ADAM32: variants seen among roughly 807,000 people sequenced by gnomAD.
ADAM32 encodes ADAM metallopeptidase domain 32.
A neutral mutation model predicts 114.9 loss-of-function variants in ADAM32; 89 were observed. The observed-to-expected ratio is 0.77, with a 90% confidence interval of 0.65 to 0.92. The LOEUF (loss-of-function observed/expected upper bound fraction) is 0.92, where lower values mean the gene tolerates loss of function less well. Among genes scored for constraint, ADAM32 ranks in the 40% least tolerant of loss-of-function variants. The pLI, the probability that ADAM32 is intolerant of heterozygous loss-of-function variation, is 0.00. For missense variants in ADAM32, 870 were observed against 932.8 expected (o/e 0.93, Z 0.88); for synonymous variants, 285 against 307.5 (o/e 0.93, Z 0.77).
chr8:39,187,128 C>A, intron 11 of ADAM32, 83 bp downstream of exon 11: 1 of 1,311,326 alleles, frequency 7.6e-7, no homozygotes, highest in South Asian at 1.7e-5. Context: ...TTACTTAAAG[C>A]ACAAATTAGC....
Position 39,136,711 on chromosome 8 carries a change from A to G in ADAM32, c.193A>G (p.Lys65Glu). ...IDEKLYTVHL[K>E]QRYFLADNFM... ...TGAGAAACTGTACACTGTGCACCTTAAACAAAGGTAAATTTTTATTCTTTA... is the reference window on the plus strand; with the variant it reads ...TGAGAAACTGTACACTGTGCACCTTGAACAAAGGTAAATTTTTATTCTTTA... Residue 65 changes from lysine (K) to glutamate (E), a missense_variant, in exon 3 of 25, where the codon AAA becomes GAA. Transcript: ENST00000379907. 1 of 1,504,928 alleles carries G rather than the reference A, an allele frequency of 6.6e-7. No individual in the cohort carries two copies. 93.2% of individuals were successfully genotyped at this position (1,504,928 alleles called of 1,614,324 possible). A position where few individuals can be genotyped will look rare whatever the true frequency, so the allele number is the denominator to read the frequency against.
chr8:39,217,117 A>ATAT (rs1554617204), intron 12 of ADAM32, among the ~76,000 whole-genome samples: 1,667 of 150,558 alleles, frequency 0.011, 15 homozygotes, highest in African/African-American at 0.022. Context: ...ATATATATAT[A>ATAT]TTTTTTTACC....
At chr8:39,117,766 T>C (rs893425390) in intron 1 of ADAM32, among the ~76,000 whole-genome samples, 8 of 152,194 alleles carry the variant, frequency 5.3e-5, no homozygotes, top group African/African-American at 9.6e-5. Context: ...AAATACAGTA[T>C]ACTTTCTAGT....
intron 1 of ADAM32, among the ~76,000 whole-genome samples, chr8:39,117,020 A>T (rs981991676): frequency 1.6e-4 from 24 of 152,060 alleles, no homozygotes; most frequent in Non-Finnish European, 7.4e-5. Context: ...AGTAGCTGGG[A>T]CTACATGCAC....
chr8:39,248,822 T>G (rs1418452150), intron 17 of ADAM32, among the ~76,000 whole-genome samples: 4 of 152,078 alleles, frequency 2.6e-5, no homozygotes, highest in African/African-American at 9.7e-5. Context: ...GGTTTTTTTG[T>G]TTGATAGTTT....
intron 23 of ADAM32, among the ~76,000 whole-genome samples, chr8:39,282,149 T>G (rs1813458796): frequency 6.6e-6 from 1 of 152,218 alleles, no homozygotes; most frequent in Non-Finnish European, 1.5e-5. Flanking sequence ...GATAGAGTGC[T>G]CAAACACTGC....
chr8:39,146,411 AT>A (rs367827964), intron 3 of ADAM32, among the ~76,000 whole-genome samples: 370 of 138,728 alleles, frequency 2.7e-3, no homozygotes, highest in Non-Finnish European at 2.8e-3. Flanking sequence ...TGTCTATTAA[AT>A]TTTTTTTTTT....
At chr8:39,275,709 G>A (rs1813030158) in intron 21 of ADAM32, 119 bp from the exon 22 acceptor site, 1 of 884,638 alleles carries the variant, frequency 1.1e-6, no homozygotes, top group Non-Finnish European at 1.6e-6. Flanking sequence ...TTCTTCAGTG[G>A]TGATTCTTGG....
At chr8:39,248,301 T>G (rs1217489780) in intron 17 of ADAM32, among the ~76,000 whole-genome samples, 1 of 152,232 alleles carries the variant, frequency 6.6e-6, no homozygotes, top group African/African-American at 2.4e-5. Context: ...CTTGACGATA[T>G]TGAGTCTTTC....
chr8:39,215,836 A>G (rs146051862), intron 12 of ADAM32, among the ~76,000 whole-genome samples: 2 of 152,138 alleles, frequency 1.3e-5, no homozygotes, highest in East Asian at 3.9e-4. Flanking sequence ...AGAATGATTC[A>G]TGTTCTGAAG....
intron 16 of ADAM32, among the ~76,000 whole-genome samples, chr8:39,241,078 G>A (rs1810520203): frequency 6.6e-6 from 1 of 152,104 alleles, no homozygotes; most frequent in African/African-American, 2.4e-5. Context: ...CAAAACAAAG[G>A]GGCTACAGGT....
chr8:39,236,275 T>G (rs1380836825), intron 16 of ADAM32, among the ~76,000 whole-genome samples: 2 of 152,178 alleles, frequency 1.3e-5, no homozygotes, highest in Admixed American at 6.5e-5. Context: ...TATGCCATTA[T>G]TATATGGAGT....
chr8:39,250,146 T>C (rs896699682), intron 17 of ADAM32, among the ~76,000 whole-genome samples: 1 of 152,070 alleles, frequency 6.6e-6, no homozygotes, highest in Non-Finnish European at 1.5e-5. Flanking sequence ...TTATCAGCTA[T>C]TATTGCTTCA....
intron 24 of ADAM32, among the ~76,000 whole-genome samples, chr8:39,284,027 G>C (rs1564753394): frequency 6.6e-6 from 1 of 152,112 alleles, no homozygotes; most frequent in Non-Finnish European, 1.5e-5. Context: ...GCCCCCCTCA[G>C]CCTCCCAAAG....
chr8:39,225,542 G>A (rs1462653588), intron 14 of ADAM32, among the ~76,000 whole-genome samples: 1 of 152,118 alleles, frequency 6.6e-6, no homozygotes, highest in Non-Finnish European at 1.5e-5. Flanking sequence ...AATTGCCCGG[G>A]GCCATGACCT....
chr8:39,234,679 T>C (rs1212368951), intron 16 of ADAM32, among the ~76,000 whole-genome samples: 1 of 152,252 alleles, frequency 6.6e-6, no homozygotes, highest in African/African-American at 2.4e-5. Flanking sequence ...TTATTGCCGA[T>C]TGTTATCATT....
chr8:39,152,720 CAAAAAAAA>C (rs112877602), intron 6 of ADAM32, among the ~76,000 whole-genome samples: 8 of 136,850 alleles, frequency 5.8e-5, no homozygotes, highest in African/African-American at 2.2e-4. Flanking sequence ...GACTCCATCT[CAAAAAAAA>C]AAAAAAAAAA....
At chr8:39,127,442 C>T (rs1802183921) in intron 2 of ADAM32, among the ~76,000 whole-genome samples, 2 of 152,086 alleles carry the variant, frequency 1.3e-5, no homozygotes, top group Admixed American at 1.3e-4. Flanking sequence ...TCCATTTCTT[C>T]TAGATTTTCT....
Position 39,284,789 on chromosome 8 carries a change from A to T in ADAM32, c.2358-4A>T, listed in dbSNP as rs1302005141. On this transcript the variant is annotated splice_polypyrimidine_tract_variant and splice_region_variant and intron_variant, in intron 24 of 24. Transcript: ENST00000379907. ...AGCACGTGTTTTTTTGTTCTCTTCC[A>T]CAGTAACTAGTGATTCCTTCAGAAG... 2 of 1,613,660 alleles carry T rather than the reference A, an allele frequency of 1.2e-6. No homozygotes were observed. The highest frequency in any genetic ancestry group is 2.7e-5 in the African/African-American group (2 of 74,900).
Sources: gnomAD v4.1 joint callset for allele counts (sites outside exome capture counted in the v4.1 genomes callset) on GRCh38, gnomAD v4.1.1 for gene constraint, MANE v1.5 for transcripts, NCBI Gene and HGNC (gene_info 2026-07-23, HGNC 2026-07-21) for gene names.